Variants in LIPA observed in about 807,000 individuals in gnomAD.
The protein encoded by LIPA is lysosomal acid lipase/cholesteryl ester hydrolase.
Under a neutral mutation model 40.6 loss-of-function variants are expected in LIPA, and 26 were observed. The observed-to-expected ratio is 0.64, with a 90% CI of 0.47 to 0.89. LIPA has a LOEUF of 0.89. LIPA is among the 40% of genes least tolerant of loss of function. The pLI is 0.00. For missense variants in LIPA, 455 were observed against 479.6 expected, an observed-to-expected ratio of 0.95 and a Z score of 0.48; for synonymous variants, 188 against 168.4, an observed-to-expected ratio of 1.12 and a Z score of -0.90.
chr10:89,256,739 G>A (rs1843183183), upstream of LIPA, among the ~76,000 whole-genome samples: 1 of 152,208 alleles, frequency 6.6e-6, no homozygotes, highest in Non-Finnish European at 1.5e-5. Context: ...AAAAAGTGAT[G>A]TAGCCCAAAA....
chr10:89,411,190 A>T (rs1841466693), intron 2 of LIPA, among the ~76,000 whole-genome samples: 1 of 152,178 alleles, frequency 6.6e-6, no homozygotes, highest in Admixed American at 6.5e-5. Flanking sequence ...CTAACAGGGG[A>T]TCTAAATCTT....
upstream of LIPA, among the ~76,000 whole-genome samples, chr10:89,346,275 T>G (rs1843920249): frequency 6.6e-6 from 1 of 152,202 alleles, no homozygotes. Flanking sequence ...ACACCTTACA[T>G]AAACATAGAA....
At chr10:89,347,498 G>A (rs921888891), upstream of LIPA, among the ~76,000 whole-genome samples, 1 of 152,214 alleles carries the variant, frequency 6.6e-6, no homozygotes, top group South Asian at 2.1e-4. Context: ...AACCTTGCAA[G>A]CAAGTCTTTC....
chr10:89,321,602 C>A (rs568957150), intron 1 of LIPA, among the ~76,000 whole-genome samples: 1 of 152,300 alleles, frequency 6.6e-6, no homozygotes, highest in South Asian at 2.1e-4. Context: ...GAAATAGGAA[C>A]ACTTTTACAC....
intron 2 of LIPA, among the ~76,000 whole-genome samples, chr10:89,367,082 A>T (rs1470602727): frequency 6.6e-6 from 1 of 151,332 alleles, no homozygotes; most frequent in Non-Finnish European, 1.5e-5. Context: ...AGGACAAAAA[A>T]CCAAACACTG....
intron 2 of LIPA, chr10:89,384,033 T>C: frequency 2.5e-6 from 4 of 1,614,190 alleles, no homozygotes; most frequent in Non-Finnish European, 3.4e-6. Flanking sequence ...AAAAGTACAT[T>C]GAAGAAGCTC....
intron 1 of LIPA, chr10:89,301,882 G>GA: frequency 2.4e-6 from 1 of 414,168 alleles, no homozygotes; most frequent in Non-Finnish European, 4.4e-6. Context: ...AGCTCCGGAG[G>GA]AAAAAGAGTC....
chr10:89,400,601 T>C (rs1034787740), intron 2 of LIPA, among the ~76,000 whole-genome samples: 22 of 152,324 alleles, frequency 1.4e-4, no homozygotes, highest in Non-Finnish European at 8.8e-5. Context: ...TATAGAAATA[T>C]GACTGATTTT....
chr10:89,335,807 C>T (rs1843729553), intron 1 of LIPA, among the ~76,000 whole-genome samples: 1 of 152,184 alleles, frequency 6.6e-6, no homozygotes, highest in African/African-American at 2.4e-5. Context: ...GCAAAGTTAA[C>T]TCATGTTTCC....
chr10:89,281,773 G>C (rs1035647967), intron 1 of LIPA, among the ~76,000 whole-genome samples: 1 of 152,226 alleles, frequency 6.6e-6, no homozygotes, highest in Non-Finnish European at 1.5e-5. Context: ...GAAAGTATTA[G>C]GCAGGATGTA....
At chr10:89,413,516 G>A (rs535728386) in intron 1 of LIPA, among the ~76,000 whole-genome samples, 3 of 152,258 alleles carry the variant, frequency 2.0e-5, no homozygotes, top group African/African-American at 4.8e-5. Flanking sequence ...AGGCCACGAT[G>A]GGCGGAACAA....
intron 1 of LIPA, chr10:89,306,012 A>G: frequency 6.2e-7 from 1 of 1,614,078 alleles, no homozygotes; most frequent in Non-Finnish European, 8.5e-7. Context: ...CTAAAATGCC[A>G]TTTCACCTGG....
chr10:89,307,752 T>G (rs776131315), intron 1 of LIPA: 2 of 183,438 alleles, frequency 1.1e-5, no homozygotes, highest in African/African-American at 4.7e-5. Context: ...ATTTTTGCAA[T>G]GTTGTTCCAT....
At chr10:89,344,194 A>G (rs1381515984), upstream of LIPA, among the ~76,000 whole-genome samples, 1 of 152,244 alleles carries the variant, frequency 6.6e-6, no homozygotes, top group Non-Finnish European at 1.5e-5. Flanking sequence ...AAAATGCTAT[A>G]TAATCTGCAA....
chr10:89,410,893 A>T (rs1418725272), intron 2 of LIPA, among the ~76,000 whole-genome samples: 1 of 152,258 alleles, frequency 6.6e-6, no homozygotes, highest in Admixed American at 6.5e-5. Flanking sequence ...CAGAAAGGAA[A>T]GCAAGAAAGA....
chr10:89,393,625 G>C (rs946156336), intron 2 of LIPA, among the ~76,000 whole-genome samples: 1 of 152,224 alleles, frequency 6.6e-6, no homozygotes, highest in East Asian at 1.9e-4. Context: ...AGCTACTTGG[G>C]AGGCTGAGGC....
chr10:89,309,192 T>C (rs1384574665), intron 1 of LIPA: 1 of 152,202 alleles, frequency 6.6e-6, no homozygotes, highest in East Asian at 1.9e-4. Flanking sequence ...CTGCTCCCCT[T>C]TTCTTTGTTA....
chr10:89,215,381 G>A (rs1842612278), intron 9 of LIPA, among the ~76,000 whole-genome samples: 1 of 152,186 alleles, frequency 6.6e-6, no homozygotes, highest in Non-Finnish European at 1.5e-5. Context: ...ATAGTGGCTG[G>A]AAAGAGTTTG....
chr10:89,213,918 C>G lies in LIPA; in HGVS notation c.*910G>C, dbSNP rs971607818. The G allele has an allele frequency of 1.3e-5, 2 of 152,176 alleles. No individual in the cohort carries two copies. The highest frequency in any genetic ancestry group is 2.9e-5 in the Non-Finnish European group (2 of 68,040). The allele number at this position is 152,176 out of a possible 1,614,324, so 9.4% of individuals were successfully genotyped here. ...CACACTTCATTTGGGTGAAAATGAA[C>G]AAGGACACTTCTCATGGGCAACCAC... On this transcript the variant is annotated 3_prime_UTR_variant, in exon 10 of 10. Transcript: ENST00000336233.
Sources: allele counts gnomAD v4.1 joint callset (sites outside exome capture counted in the v4.1 genomes callset), GRCh38; gene constraint gnomAD v4.1.1; transcripts MANE v1.5; gene names NCBI Gene and HGNC (gene_info 2026-07-23, HGNC 2026-07-21).